The following SULT1B1 variants were observed in gnomAD, a reference collection of about 807,000 sequenced individuals.
SULT1B1 encodes sulfotransferase 1B1.
In SULT1B1, 28 loss-of-function variants were observed where a neutral mutation model predicts 34.6. The observed-to-expected ratio is 0.81, with a 90% CI of 0.60 to 1.11. SULT1B1 has a LOEUF of 1.11. Among genes scored for constraint, SULT1B1 ranks in the 50% least tolerant of loss-of-function variants. SULT1B1 has a pLI of 0.00. For synonymous variants in SULT1B1, 147 were observed against 110.2 expected (o/e 1.33, Z -2.09); for missense variants, 374 against 352.2 (o/e 1.06, Z -0.50).
rs544967452 is a variant in SULT1B1 at position 69,722,724 on chromosome 4, T to C, written c.*4364A>G. The C allele has an allele frequency of 1.3e-5, 2 of 152,220 alleles. No homozygotes were observed. Among genetic ancestry groups the C allele is most frequent in the Admixed American group, 1.3e-4 (2 of 15,246 alleles). 9.4% of individuals were successfully genotyped at this position (152,220 alleles called of 1,614,324 possible). ...GTTGGAAAAGAGAAATGTTACAGCTTAAGGAGCTATTTTAGCTATTCCTGG... is the reference window on the plus strand; with the variant it reads ...GTTGGAAAAGAGAAATGTTACAGCTCAAGGAGCTATTTTAGCTATTCCTGG... On this transcript the variant is annotated 3_prime_UTR_variant, in exon 8 of 8. Transcript: ENST00000310613.
At chr4:69,751,069 T>G (rs1486165116) in intron 3 of SULT1B1, among the ~76,000 whole-genome samples, 1 of 152,266 alleles carries the variant, frequency 6.6e-6, no homozygotes, top group Non-Finnish European at 1.5e-5. Context: ...TGAAATTAAT[T>G]AATTGTCCTG....
Position 69,734,289 on chromosome 4 carries a change from G to GA in SULT1B1, c.376-26dup, listed in dbSNP as rs768700299. ...TCTGCAGTGGGGGGTGGGGGTAGGA[G>GA]AAAAAAATAAGATAAAAGACATTTT... On this transcript the variant is annotated intron_variant, in intron 4 of 7. Coordinates refer to ENST00000310613, the MANE Select transcript of SULT1B1 (RefSeq NM_014465.4). 18 of 1,590,020 alleles carry GA rather than the reference G, an allele frequency of 1.1e-5. No homozygotes were observed. The Admixed American group carries it at 1.3e-4, about 11-fold the overall frequency.
intron 4 of SULT1B1, among the ~76,000 whole-genome samples, chr4:69,746,425 T>C (rs552478629): frequency 6.6e-6 from 1 of 152,320 alleles, no homozygotes; most frequent in East Asian, 1.9e-4. Context: ...AAAATTTTTG[T>C]CTGCCTGTGT....
chr4:69,726,079 TATAA>T lies in SULT1B1; in HGVS notation c.*1005_*1008del, dbSNP rs1290387528. On this transcript the variant is annotated 3_prime_UTR_variant, in exon 8 of 8. Coordinates refer to ENST00000310613, the MANE Select transcript of SULT1B1 (RefSeq NM_014465.4). ...ATATATATATATATATATATATATA[TATAA>T]ATGTTCCAAGAAAACATAGATCAGA... is the stretch of plus-strand genomic sequence containing the variant. 26 of 111,388 alleles carry T rather than the reference TATAA, an allele frequency of 2.3e-4. No homozygotes were observed. Among genetic ancestry groups the T allele is most frequent in the African/African-American group, 7.5e-4 (21 of 28,034 alleles). 6.9% of individuals were successfully genotyped at this position (111,388 alleles called of 1,614,324 possible). A position where few individuals can be genotyped will look rare whatever the true frequency, so the allele number is the denominator to read the frequency against.
intron 4 of SULT1B1, among the ~76,000 whole-genome samples, chr4:69,743,946 C>G (rs1718651269): frequency 6.6e-6 from 1 of 152,146 alleles, no homozygotes. Flanking sequence ...CAGATGTTCC[C>G]AGGAAGGCAG....
chr4:69,736,076 A>G (rs1420331877), intron 4 of SULT1B1, among the ~76,000 whole-genome samples: 2 of 152,186 alleles, frequency 1.3e-5, no homozygotes, highest in African/African-American at 4.8e-5. Flanking sequence ...GAGACATTGC[A>G]TTGAACTCAG....
Position 69,730,176 on chromosome 4 carries a change from A to G in SULT1B1, c.778+325T>C, listed in dbSNP as rs978867518. ...CTGAGGAGCAGAAGGAAGGAAGCTT[A>G]TCTATGCCATCTTAGACAAAGATTG... On this transcript the variant is annotated intron_variant, in intron 7 of 7. Coordinates refer to ENST00000310613, the MANE Select transcript of SULT1B1 (RefSeq NM_014465.4). 5.9e-5 allele frequency among the ~76,000 whole-genome samples: 9 copies of G among 152,180 alleles called. No individual in the cohort carries two copies. In the South Asian group the frequency reaches 1.2e-3, roughly 21 times the overall value.
rs1717800944 is a variant in SULT1B1, at chr4:69,725,536, A to T, written c.*1552T>A. ...CCATTACTGGGTATATACCCAAAGG[A>T]TTATAAATCATGCTGCTATAAAGAC... is the stretch of plus-strand genomic sequence containing the variant. On this transcript the variant is annotated 3_prime_UTR_variant, in exon 8 of 8. Transcript: ENST00000310613. 1 of 152,178 alleles carries T rather than the reference A, an allele frequency of 6.6e-6. No homozygotes were observed. The highest frequency in any genetic ancestry group is 2.1e-4 in the South Asian group (1 of 4,830). 9.4% of individuals were successfully genotyped at this position (152,178 alleles called of 1,614,324 possible).
In SULT1B1 at chr4:69,726,489, C is replaced by T. The variant is rs1717840269; in HGVS notation, c.*599G>A. On this transcript the variant is annotated 3_prime_UTR_variant, in exon 8 of 8. Transcript: ENST00000310613. ...GAGACTATTGTAGGCGTTTGCCTTT[C>T]GGAGACTTAGACATTAGGTATGATA... 1 of 151,842 alleles carries T rather than the reference C, an allele frequency of 6.6e-6. No individual in the cohort carries two copies. Among genetic ancestry groups the T allele is most frequent in the Non-Finnish European group, 1.5e-5 (1 of 67,964 alleles). 9.4% of individuals were successfully genotyped at this position (151,842 alleles called of 1,614,324 possible).
chr4:69,727,720 A>G (rs1717891450), intron 7 of SULT1B1, among the ~76,000 whole-genome samples: 1 of 152,150 alleles, frequency 6.6e-6, no homozygotes, highest in East Asian at 1.9e-4. Context: ...TTTTTCCTAA[A>G]TTCACTAGGC....
intron 3 of SULT1B1, among the ~76,000 whole-genome samples, chr4:69,753,546 C>G (rs770259505): frequency 6.6e-6 from 1 of 151,976 alleles, no homozygotes; most frequent in Non-Finnish European, 1.5e-5. Flanking sequence ...GTTTTGCATC[C>G]CACTTTTTCC....
chr4:69,749,649 A>T (rs1718895830), intron 4 of SULT1B1, 72 bp downstream of exon 4: 2 of 1,114,748 alleles, frequency 1.8e-6, no homozygotes, highest in African/African-American at 3.1e-5. Context: ...AAAATATTTT[A>T]AAAAATAAAC....
chr4:69,756,266 T>C (rs143674974), intron 1 of SULT1B1, among the ~76,000 whole-genome samples: 136 of 151,744 alleles, frequency 9.0e-4, no homozygotes, highest in Non-Finnish European at 4.3e-4. Flanking sequence ...GTAGGCTTTT[T>C]CTCCTTGTTT....
At chr4:69,729,415 T>TGGACA (rs1257227984) in intron 7 of SULT1B1, among the ~76,000 whole-genome samples, 7 of 152,076 alleles carry the variant, frequency 4.6e-5, no homozygotes, top group Non-Finnish European at 1.0e-4. Context: ...AAGGGATGAC[T>TGGACA]GTCCATACAC....
intron 4 of SULT1B1, among the ~76,000 whole-genome samples, chr4:69,741,155 C>T (rs768582167): frequency 3.3e-5 from 5 of 152,078 alleles, no homozygotes; most frequent in Admixed American, 6.6e-5. Flanking sequence ...TTCTTCATTG[C>T]TTATTATTGT....
At chr4:69,735,423 G>GTC (rs937576765) in intron 4 of SULT1B1, among the ~76,000 whole-genome samples, 1 of 152,212 alleles carries the variant, frequency 6.6e-6, no homozygotes, top group Non-Finnish European at 1.5e-5. Context: ...CCACACCCGG[G>GTC]TCTCTGTAGG....
intron 5 of SULT1B1, 80 bp downstream of exon 5, chr4:69,734,058 T>A (rs1718192848): frequency 8.4e-7 from 1 of 1,193,802 alleles, no homozygotes; most frequent in Middle Eastern, 3.0e-4. Flanking sequence ...AAATAAGTAT[T>A]TTGAAAGTCA....
chr4:69,726,073 TATATATATAA>T lies in SULT1B1; in HGVS notation c.*1005_*1014del, dbSNP rs1313298309. 3 of 108,618 alleles carry T rather than the reference TATATATATAA, an allele frequency of 2.8e-5. No individual in the cohort carries two copies. Among genetic ancestry groups the T allele is most frequent in the African/African-American group, 1.2e-4 (3 of 26,006 alleles). 6.7% of individuals were successfully genotyped at this position (108,618 alleles called of 1,614,324 possible). A position where few individuals can be genotyped will look rare whatever the true frequency, so the allele number is the denominator to read the frequency against. ...ATATATATATATATATATATATATA[TATATATATAA>T]ATGTTCCAAGAAAACATAGATCAGA... is the stretch of plus-strand genomic sequence containing the variant. On this transcript the variant is annotated 3_prime_UTR_variant, in exon 8 of 8. Transcript: ENST00000310613.
chr4:69,742,315 T>C (rs551419809), intron 4 of SULT1B1, among the ~76,000 whole-genome samples: 3 of 152,334 alleles, frequency 2.0e-5, no homozygotes, highest in Admixed American at 6.5e-5. Flanking sequence ...ATGAGGAATA[T>C]TGTCCTGAAG....
Sources: gnomAD v4.1 joint callset for allele counts (sites outside exome capture counted in the v4.1 genomes callset) on GRCh38, gnomAD v4.1.1 for gene constraint, MANE v1.5 for transcripts, NCBI Gene and HGNC (gene_info 2026-07-23, HGNC 2026-07-21) for gene names.